MOSMO: variants seen among roughly 807,000 people sequenced by gnomAD.
MOSMO encodes modulator of smoothened protein.
In MOSMO, 5 loss-of-function variants were observed where a neutral mutation model predicts 18.4. The ratio of observed to expected loss-of-function variants is 0.27; its 90% CI spans 0.14 to 0.57. MOSMO has a LOEUF of 0.57. MOSMO is among the 20% of genes least tolerant of loss of function. MOSMO has a pLI of 0.92. For synonymous variants in MOSMO, 82 were observed against 82.3 expected (o/e 1.00, Z 0.02); for missense variants, 138 against 211.8 (o/e 0.65, Z 2.16).
Position 22,055,569 on chromosome 16 carries a change from A to T in MOSMO, c.107-19918A>T, listed in dbSNP as rs549461621. On this transcript the variant is annotated intron_variant, in intron 1 of 2. Coordinates refer to ENST00000542527, the MANE Select transcript of MOSMO (RefSeq NM_001164579.2). ...GCATCCTCCTTGTGCTTAGATACAAATCCACCGGAGGCAAATACAAGTGAC... is the reference window on the plus strand; with the variant it reads ...GCATCCTCCTTGTGCTTAGATACAATTCCACCGGAGGCAAATACAAGTGAC... 2.0e-5 allele frequency among the ~76,000 whole-genome samples: 3 copies of T among 152,320 alleles called. No homozygotes were observed. In the East Asian group the frequency reaches 5.8e-4, roughly 29 times the overall value.
intron 1 of MOSMO, among the ~76,000 whole-genome samples, chr16:22,057,241 CA>C (rs1360829860): frequency 6.6e-6 from 1 of 152,124 alleles, no homozygotes; most frequent in Non-Finnish European, 1.5e-5. Flanking sequence ...CTGGGAAGTC[CA>C]AGATCAAAGT....
At chr16:22,069,132 G>T (rs1213553333) in intron 1 of MOSMO, among the ~76,000 whole-genome samples, 1 of 152,108 alleles carries the variant, frequency 6.6e-6, no homozygotes. Context: ...ACTCAGGATG[G>T]GAGTGTAAGA....
At position 22,080,909 on chromosome 16, in the gene MOSMO, A is replaced by C; in HGVS notation, c.*29A>C. On this transcript the variant is annotated 3_prime_UTR_variant, in exon 3 of 3. Coordinates refer to ENST00000542527, the MANE Select transcript of MOSMO (RefSeq NM_001164579.2). ...ATGTCTAAATTGCTTGACTCTTATTATTTTTTATTTTATTTTATTTTTTTA... is the reference window on the plus strand; with the variant it reads ...ATGTCTAAATTGCTTGACTCTTATTCTTTTTTATTTTATTTTATTTTTTTA... 1 of 1,116,382 alleles carries C rather than the reference A, an allele frequency of 9.0e-7. No individual in the cohort carries two copies. Among genetic ancestry groups the C allele is most frequent in the Non-Finnish European group, 1.2e-6 (1 of 857,752 alleles). The allele number at this position is 1,116,382 out of a possible 1,614,324, so 69.2% of individuals were successfully genotyped here.
intron 1 of MOSMO, among the ~76,000 whole-genome samples, chr16:22,068,746 TTTG>T (rs1215807506): frequency 6.6e-6 from 1 of 152,210 alleles, no homozygotes; most frequent in African/African-American, 2.4e-5. Flanking sequence ...GTATGGCTAT[TTTG>T]TTTTTTATTC....
chr16:22,041,294 T>C (rs1900205336), intron 1 of MOSMO, among the ~76,000 whole-genome samples: 1 of 152,202 alleles, frequency 6.6e-6, no homozygotes, highest in Admixed American at 6.5e-5. Flanking sequence ...TGTTTTTTTA[T>C]GAATACAGAA....
intron 1 of MOSMO, among the ~76,000 whole-genome samples, chr16:22,036,919 G>T (rs1461375593): frequency 3.3e-5 from 5 of 152,174 alleles, no homozygotes; most frequent in Non-Finnish European, 5.9e-5. Flanking sequence ...TGCCTAGTGG[G>T]CAGGTGAAAC....
rs537119442 is a variant in MOSMO, at chr16:22,058,625, G to A, written c.107-16862G>A. ...GTGATTTCAGAGTGGGAACCTATGG[G>A]GGAAAGAAGGGGAAGGAGTTAAGAA... On this transcript the variant is annotated intron_variant, in intron 1 of 2. Coordinates refer to ENST00000542527, the MANE Select transcript of MOSMO (RefSeq NM_001164579.2). Among the ~76,000 whole-genome samples the A allele has an allele frequency of 2.5e-4, 38 of 152,168 alleles. No individual in the cohort carries two copies. The East Asian group carries it at 6.8e-3, about 27-fold the overall frequency.
intron 1 of MOSMO, among the ~76,000 whole-genome samples, chr16:22,036,979 A>G (rs34859912): frequency 0.025 from 3,783 of 152,312 alleles, 79 homozygotes; most frequent in Non-Finnish European, 0.041. Flanking sequence ...TCATCAGCCT[A>G]TGACTGATTT....
chr16:22,028,411 A>G (rs1899922295), intron 1 of MOSMO, among the ~76,000 whole-genome samples: 1 of 151,094 alleles, frequency 6.6e-6, no homozygotes, highest in East Asian at 1.9e-4. Flanking sequence ...AACGAAATTT[A>G]CCATCTTAAC....
chr16:22,062,451 T>C (rs2141761230), intron 1 of MOSMO, among the ~76,000 whole-genome samples: 1 of 152,128 alleles, frequency 6.6e-6, no homozygotes, highest in East Asian at 1.9e-4. Context: ...GCCTCTTGAG[T>C]AGCTTGAACC....
At chr16:22,090,721 G>A (rs1167719410), downstream of MOSMO, among the ~76,000 whole-genome samples, 1 of 152,194 alleles carries the variant, frequency 6.6e-6, no homozygotes, top group African/African-American at 2.4e-5. Context: ...GCCTAAGGTA[G>A]GAGAAATGTC....
rs1401363883 is a variant in MOSMO, at chr16:22,084,609, T to C, written c.*3729T>C. 6.6e-6 allele frequency: 1 copy of C among 152,236 alleles called. No individual in the cohort carries two copies. The highest frequency in any genetic ancestry group is 2.4e-5 in the African/African-American group (1 of 41,468). 9.4% of individuals were successfully genotyped at this position (152,236 alleles called of 1,614,324 possible). A position where few individuals can be genotyped will look rare whatever the true frequency, so the allele number is the denominator to read the frequency against. On this transcript the variant is annotated 3_prime_UTR_variant, in exon 3 of 3. Transcript: ENST00000542527. ...ATTTTCCTCACTTGTATTTTTGTTA[T>C]TGAGCAAGTTTATCAAAATAAATTG...
intron 1 of MOSMO, among the ~76,000 whole-genome samples, chr16:22,072,957 A>G (rs1363865839): frequency 6.6e-6 from 1 of 152,164 alleles, no homozygotes; most frequent in Non-Finnish European, 1.5e-5. Context: ...GACTATAGCT[A>G]TTCTTTTAAA....
At chr16:22,052,822 A>G (rs777914370) in intron 1 of MOSMO, among the ~76,000 whole-genome samples, 4 of 152,168 alleles carry the variant, frequency 2.6e-5, no homozygotes, top group Non-Finnish European at 4.4e-5. Context: ...GGGGGAAAAA[A>G]AATTGTAAAA....
chr16:22,009,302 G>C (rs1183303098), intron 1 of MOSMO, among the ~76,000 whole-genome samples: 1 of 152,176 alleles, frequency 6.6e-6, no homozygotes, highest in African/African-American at 2.4e-5. Context: ...TACAGTTGCA[G>C]GCAGCCCGGC....
intron 1 of MOSMO, among the ~76,000 whole-genome samples, chr16:22,074,838 C>T (rs1480801217): frequency 6.6e-6 from 1 of 152,204 alleles, no homozygotes; most frequent in Non-Finnish European, 1.5e-5. Flanking sequence ...GTAAACTCTA[C>T]AAAAATTGGT....
At chr16:22,059,070 C>CT (rs1402720827) in intron 1 of MOSMO, among the ~76,000 whole-genome samples, 1 of 152,208 alleles carries the variant, frequency 6.6e-6, no homozygotes, top group Non-Finnish European at 1.5e-5. Context: ...GTAACCCTCT[C>CT]TCTCTCGCCA....
At chr16:22,042,800 C>T (rs1254917687) in intron 1 of MOSMO, among the ~76,000 whole-genome samples, 2 of 152,186 alleles carry the variant, frequency 1.3e-5, no homozygotes, top group Non-Finnish European at 2.9e-5. Context: ...GGGGGCGAAG[C>T]ACCTGGGCAC....
At chr16:22,085,501 A>G (rs1265921708), downstream of MOSMO, 3 of 152,198 alleles carry the variant, frequency 2.0e-5, no homozygotes, top group Non-Finnish European at 4.4e-5. Flanking sequence ...TTGTAATGGT[A>G]GATTTATGCT....
Sources: gnomAD v4.1 joint callset for allele counts (sites outside exome capture counted in the v4.1 genomes callset) on GRCh38, gnomAD v4.1.1 for gene constraint, MANE v1.5 for transcripts, NCBI Gene and HGNC (gene_info 2026-07-23, HGNC 2026-07-21) for gene names.